The following FRAS1 variants were observed in gnomAD, a reference collection of about 807,000 sequenced individuals.
The protein encoded by FRAS1 is extracellular matrix organizing protein FRAS1.
FRAS1 carries 290 observed loss-of-function variants against 435.2 expected under a neutral mutation model. That is an observed-to-expected ratio of 0.67 (90% CI 0.61 to 0.73). FRAS1 has a LOEUF of 0.73. Ranked by LOEUF, FRAS1 falls within the 30% of genes least tolerant of loss-of-function variation. FRAS1 has a pLI of 0.00. For synonymous variants in FRAS1, 1,800 were observed against 1,851.0 expected (o/e 0.97, Z 0.71); for missense variants, 4,860 against 5,001.5 (o/e 0.97, Z 0.85).
intron 2 of FRAS1, among the ~76,000 whole-genome samples, chr4:78,214,324 A>G (rs561351176): frequency 6.6e-6 from 1 of 152,336 alleles, no homozygotes; most frequent in East Asian, 1.9e-4. Flanking sequence ...TGAAGTTATC[A>G]ACAAGCCTGT....
chr4:78,415,425 C>T (rs761102657), intron 32 of FRAS1, among the ~76,000 whole-genome samples: 1 of 152,164 alleles, frequency 6.6e-6, no homozygotes, highest in African/African-American at 2.4e-5. Context: ...CTGGAACCTA[C>T]CACAGTGTTT....
At chr4:78,432,229 G>A (rs1734243185) in intron 37 of FRAS1, 128 bp from the exon 38 acceptor site, 1 of 829,544 alleles carries the variant, frequency 1.2e-6, no homozygotes, top group Non-Finnish European at 1.7e-6. Context: ...GTGAGTGGTT[G>A]GATTAGCCTG....
At chr4:78,524,531 C>T (rs1721475505) in intron 69 of FRAS1, among the ~76,000 whole-genome samples, 1 of 152,140 alleles carries the variant, frequency 6.6e-6, no homozygotes, top group South Asian at 2.1e-4. Context: ...AGATTAAAGA[C>T]AGGTGCCTAA....
chr4:78,304,280 G>A (rs917921332), intron 14 of FRAS1, among the ~76,000 whole-genome samples: 105 of 152,226 alleles, frequency 6.9e-4, no homozygotes, highest in Non-Finnish European at 1.2e-3. Flanking sequence ...GAGTATTTTT[G>A]CATCAATGTT....
intron 47 of FRAS1, among the ~76,000 whole-genome samples, chr4:78,457,368 C>G (rs535469063): frequency 2.4e-4 from 37 of 152,126 alleles, no homozygotes; most frequent in Non-Finnish European, 5.0e-4. Flanking sequence ...TGCTGGTCAG[C>G]CCCCAAATCT....
At chr4:78,090,230 A>G (rs1741443472) in intron 2 of FRAS1, among the ~76,000 whole-genome samples, 1 of 152,220 alleles carries the variant, frequency 6.6e-6, no homozygotes, top group Non-Finnish European at 1.5e-5. Context: ...ATGACCATGC[A>G]AGAGGCATGA....
intron 2 of FRAS1, among the ~76,000 whole-genome samples, chr4:78,150,688 T>G (rs1720614863): frequency 6.6e-6 from 1 of 152,172 alleles, no homozygotes; most frequent in Non-Finnish European, 1.5e-5. Context: ...GTATCCAGAC[T>G]GGGGGAAACT....
chr4:78,368,506 G>A (rs1359966349), intron 22 of FRAS1, among the ~76,000 whole-genome samples: 2 of 151,886 alleles, frequency 1.3e-5, no homozygotes, highest in Non-Finnish European at 2.9e-5. Context: ...GCAATATCTG[G>A]CTTTATTTCT....
At chr4:78,389,989 C>G (rs1732381448) in intron 29 of FRAS1, among the ~76,000 whole-genome samples, 1 of 152,084 alleles carries the variant, frequency 6.6e-6, no homozygotes, top group Non-Finnish European at 1.5e-5. Flanking sequence ...CCTTTTCATC[C>G]CTCTCTCCTG....
At chr4:78,376,100 C>T (rs1032464941) in intron 26 of FRAS1, among the ~76,000 whole-genome samples, 3 of 152,148 alleles carry the variant, frequency 2.0e-5, no homozygotes, top group African/African-American at 7.2e-5. Flanking sequence ...GCAATCTGTG[C>T]CTTAAAAGTC....
intron 18 of FRAS1, 112 bp from the exon 19 acceptor site, chr4:78,333,160 G>A (rs1730010877): frequency 8.1e-7 from 1 of 1,236,276 alleles, no homozygotes; most frequent in Admixed American, 3.2e-5. Flanking sequence ...GGAAAACCAA[G>A]TGAATGTACA....
chr4:78,336,422 C>T (rs1730172408), intron 19 of FRAS1, among the ~76,000 whole-genome samples: 1 of 151,912 alleles, frequency 6.6e-6, no homozygotes, highest in Non-Finnish European at 1.5e-5. Flanking sequence ...TCTGTCCATG[C>T]CTCTTTCCGC....
intron 63 of FRAS1, 82 bp downstream of exon 63, chr4:78,509,088 C>T: frequency 6.8e-7 from 1 of 1,470,266 alleles, no homozygotes; most frequent in Non-Finnish European, 9.4e-7. Flanking sequence ...AATCAAATTC[C>T]TTATGGTCCA....
Position 78,156,279 on chromosome 4 carries a change from G to A in FRAS1, c.109-81231G>A, listed in dbSNP as rs373617032. Among the ~76,000 whole-genome samples, 246 of 151,252 alleles carry A rather than the reference G, an allele frequency of 1.6e-3. 2 individuals are homozygous for A. Among genetic ancestry groups the A allele is most frequent in the African/African-American group, 5.4e-3 (223 of 41,304 alleles). ...TGTAGAACATTTACAAAGCTTTAAT[G>A]TCCATATCTGAACATGTGTGCTCTT... is the stretch of plus-strand genomic sequence containing the variant. On this transcript the variant is annotated intron_variant, in intron 2 of 73. Coordinates refer to ENST00000512123, the MANE Select transcript of FRAS1 (RefSeq NM_025074.7).
chr4:78,532,377 T>C (rs1361913525), intron 70 of FRAS1, among the ~76,000 whole-genome samples: 1 of 152,202 alleles, frequency 6.6e-6, no homozygotes, highest in Non-Finnish European at 1.5e-5. Flanking sequence ...CATGACTGAG[T>C]TTCTTCCTTT....
rs1260176621 is a variant in FRAS1, at chr4:78,376,164, G to A, written c.3292+285G>A. On this transcript the variant is annotated intron_variant, in intron 26 of 73. Transcript: ENST00000512123. ...AACTTAGCTAAGTTCCTGAACTACA[G>A]CCATGTTATAGAAAATTACATATAT... is the stretch of plus-strand genomic sequence containing the variant. Among the ~76,000 whole-genome samples, 5 of 152,158 alleles carry A rather than the reference G, an allele frequency of 3.3e-5. No individual in the cohort carries two copies. The East Asian group carries it at 7.7e-4, about 23-fold the overall frequency.
chr4:78,465,731 A>C (rs1018276376), intron 49 of FRAS1, among the ~76,000 whole-genome samples: 5 of 152,126 alleles, frequency 3.3e-5, no homozygotes, highest in African/African-American at 1.2e-4. Context: ...ATTTTGTTTT[A>C]AGTTGGTGGG....
At chr4:78,529,219 G>A (rs4975137) in intron 70 of FRAS1, among the ~76,000 whole-genome samples, 99,573 of 151,930 alleles carry the variant, frequency 0.66, 32,802 homozygotes, top group East Asian at 0.72. Flanking sequence ...ATAGTTAGCC[G>A]AATGAAGGAA....
At chr4:78,069,528 A>G (rs1740229628) in intron 2 of FRAS1, among the ~76,000 whole-genome samples, 2 of 152,196 alleles carry the variant, frequency 1.3e-5, no homozygotes, top group Non-Finnish European at 2.9e-5. Context: ...CTCTTCTGTT[A>G]CAAACCAGCT....
Sources: gnomAD v4.1 joint callset for allele counts (sites outside exome capture counted in the v4.1 genomes callset) on GRCh38, gnomAD v4.1.1 for gene constraint, MANE v1.5 for transcripts, NCBI Gene and HGNC (gene_info 2026-07-23, HGNC 2026-07-21) for gene names.